The following USP20 variants were observed in gnomAD, a reference collection of about 807,000 sequenced individuals.
USP20 encodes the protein ubiquitin specific peptidase 20.
In USP20, 80 loss-of-function variants were observed where a neutral mutation model predicts 124.2. The ratio of observed to expected loss-of-function variants is 0.64; its 90% CI spans 0.54 to 0.78. The LOEUF (loss-of-function observed/expected upper bound fraction) is 0.78. Ranked by LOEUF, USP20 falls within the 30% of genes least tolerant of loss-of-function variation. The pLI is 0.00. For missense variants in USP20, 1,043 were observed against 1,244.4 expected (o/e 0.84, Z 2.44); for synonymous variants, 481 against 512.3 (o/e 0.94, Z 0.83).
Position 129,856,321 on chromosome 9 carries a change from G to A in USP20, c.96G>A (p.Ser32=), listed in dbSNP as rs769387563. ...LLLKSKGTCQ[S]CGVTGPNLWA... ...AACTCACACAGGGAACCTGTCAGTC[G>A]TGTGGGGTCACCGGACCAAACCTAT... The change falls in exon 4 of 26, where the codon TCG becomes TCA. Residue 32 remains serine (S), a synonymous_variant. Transcript: ENST00000372429. 3.6e-5 allele frequency: 58 copies of A among 1,614,038 alleles called. No homozygotes were observed. Among genetic ancestry groups the A allele is most frequent in the Middle Eastern group, 3.3e-4 (2 of 6,084 alleles).
At position 129,876,807 on chromosome 9, in the gene USP20, C is replaced by T. The variant is rs555140356; in HGVS notation, c.2409+569C>T. Among the ~76,000 whole-genome samples, 4 of 152,208 alleles carry T rather than the reference C, an allele frequency of 2.6e-5. No homozygotes were observed. In the South Asian group the frequency reaches 8.3e-4, roughly 32 times the overall value. ...ACCAGTAGATGGATCCCATTCTCAGCCTTGGCTGTGTTATTTTGGGCTGAA... is the reference window on the plus strand; with the variant it reads ...ACCAGTAGATGGATCCCATTCTCAGTCTTGGCTGTGTTATTTTGGGCTGAA... On this transcript the variant is annotated intron_variant, in intron 22 of 25. Transcript: ENST00000372429.
rs1203279891 is a variant in USP20 at position 129,861,116 on chromosome 9, C to T, written c.427+83C>T. On this transcript the variant is annotated intron_variant, in intron 7 of 25. Coordinates refer to ENST00000372429, the MANE Select transcript of USP20 (RefSeq NM_001110303.4). ...GGCTGGAAACCGCCAGAGTCTTGGT[C>T]TCTATTTGCACCTGCTATATGGGCA... 8.5e-6 allele frequency: 11 copies of T among 1,296,062 alleles called. No homozygotes were observed. In the Admixed American group the frequency reaches 1.9e-4, roughly 23 times the overall value. The allele number at this position is 1,296,062 out of a possible 1,614,324, so 80.3% of individuals were successfully genotyped here. A position where few individuals can be genotyped will look rare whatever the true frequency, so the allele number is the denominator to read the frequency against.
intron 1 of USP20, among the ~76,000 whole-genome samples, chr9:129,844,680 CA>C (rs1345912035): frequency 2.0e-5 from 3 of 147,274 alleles, no homozygotes; most frequent in Non-Finnish European, 4.5e-5. Context: ...TAAGACTTAC[CA>C]AAACCAAAAA....
chr9:129,876,467 C>A (rs755781908), intron 22 of USP20, among the ~76,000 whole-genome samples: 6 of 151,988 alleles, frequency 3.9e-5, no homozygotes, highest in Admixed American at 6.6e-5. Context: ...GGCAAAACCC[C>A]GTCTCTACTA....
rs200710655 is a variant in USP20 at position 129,874,903 on chromosome 9, G to A, written c.1996G>A (p.Glu666Lys). ...WYEFDDQYVT[E>K]VHETVVQNAE... is the part of the protein sequence containing the mutation. ...CGAGTTTGATGACCAGTACGTCACA[G>A]AAGTCCACGAGACGGTGGTGCAGAA... Residue 666 changes from glutamate (E) to lysine (K), a missense_variant, in exon 19 of 26, where the codon GAA (glutamate) becomes AAA (lysine). Transcript: ENST00000372429. 89 of 1,614,038 alleles carry A rather than the reference G, an allele frequency of 5.5e-5. No homozygotes were observed. Among genetic ancestry groups the A allele is most frequent in the Non-Finnish European group, 1.1e-5 (13 of 1,180,052 alleles).
chr9:129,874,165 G>A (rs751788122), intron 17 of USP20, among the ~76,000 whole-genome samples: 10 of 152,112 alleles, frequency 6.6e-5, no homozygotes, highest in South Asian at 2.1e-4. Flanking sequence ...TGTCAGCGTC[G>A]TGGATGGAAG....
intron 1 of USP20, among the ~76,000 whole-genome samples, chr9:129,846,947 G>A (rs2032613705): frequency 1.3e-5 from 2 of 152,100 alleles, no homozygotes; most frequent in African/African-American, 4.8e-5. Context: ...TACTGAGTAG[G>A]TGTCTTTAGG....
At chr9:129,858,339 T>A (rs2033327436) in intron 5 of USP20, 128 bp from the exon 6 acceptor site, 1 of 1,420,384 alleles carries the variant, frequency 7.0e-7, no homozygotes, top group East Asian at 2.3e-5. Context: ...GTAAGCAAAA[T>A]TTGAGCTTCC....
chr9:129,878,590 G>A (rs75274825), intron 23 of USP20, 150 bp downstream of exon 23: 10,630 of 688,406 alleles, frequency 0.015, 133 homozygotes, highest in East Asian at 0.024. Flanking sequence ...AGAGCATGGG[G>A]CTTTGCCAGT....
At chr9:129,872,779 G>A (rs923513638) in intron 15 of USP20, among the ~76,000 whole-genome samples, 7 of 152,068 alleles carry the variant, frequency 4.6e-5, no homozygotes, top group African/African-American at 1.4e-4. Flanking sequence ...CAGCTACTCC[G>A]GAGGCTGAGG....
intron 22 of USP20, among the ~76,000 whole-genome samples, chr9:129,877,471 C>T (rs111684018): frequency 0.014 from 2,157 of 152,262 alleles, 39 homozygotes; most frequent in African/African-American, 0.048. Flanking sequence ...TGCAGTGAGC[C>T]GTGATCATGC....
chr9:129,873,785 G>A (rs375533285), intron 17 of USP20, 41 bp downstream of exon 17: 14 of 1,604,700 alleles, frequency 8.7e-6, no homozygotes, highest in Admixed American at 5.0e-5. Flanking sequence ...CAGCTATCTC[G>A]GGATGCACAC....
intron 6 of USP20, among the ~76,000 whole-genome samples, 187 bp downstream of exon 6, chr9:129,858,785 G>A (rs963837903): frequency 6.6e-6 from 1 of 152,208 alleles, no homozygotes; most frequent in Non-Finnish European, 1.5e-5. Flanking sequence ...ACTCTGTGCC[G>A]AGGCATGTGT....
intron 17 of USP20, 74 bp downstream of exon 17, chr9:129,873,818 G>A (rs746553703): frequency 1.3e-6 from 2 of 1,559,262 alleles, no homozygotes; most frequent in Non-Finnish European, 1.7e-6. Flanking sequence ...GGCAGGGGCT[G>A]AGCCTGCTCC....
intron 8 of USP20, among the ~76,000 whole-genome samples, chr9:129,862,541 A>G (rs2033600756): frequency 8.3e-6 from 1 of 120,280 alleles, no homozygotes; most frequent in Non-Finnish European, 1.8e-5. Flanking sequence ...TGACAGAGCG[A>G]GACTCCGTCT....
intron 17 of USP20, among the ~76,000 whole-genome samples, chr9:129,874,363 T>C (rs138714771): frequency 3.2e-4 from 48 of 152,258 alleles, no homozygotes; most frequent in African/African-American, 1.2e-3. Context: ...TGATGGCTCA[T>C]TGCAGCTCTT....
intron 14 of USP20, 140 bp from the exon 15 acceptor site, chr9:129,870,313 G>C: frequency 1.2e-6 from 1 of 836,810 alleles, no homozygotes. Context: ...CCTCTGCCCC[G>C]ACCCGCCGTG....
At chr9:129,846,861 A>G (rs1371928177) in intron 1 of USP20, among the ~76,000 whole-genome samples, 1 of 152,044 alleles carries the variant, frequency 6.6e-6, no homozygotes, top group East Asian at 1.9e-4. Context: ...TCCTGACCTC[A>G]AGTGATCCGC....
intron 8 of USP20, among the ~76,000 whole-genome samples, chr9:129,862,955 G>A (rs201797923): frequency 2.0e-5 from 3 of 150,964 alleles, no homozygotes; most frequent in Admixed American, 1.3e-4. Flanking sequence ...GATAAGATGA[G>A]ATAAAATAAA....
Sources: gnomAD v4.1 joint callset for allele counts (sites outside exome capture counted in the v4.1 genomes callset) on GRCh38, gnomAD v4.1.1 for gene constraint, MANE v1.5 for transcripts, NCBI Gene and HGNC (gene_info 2026-07-23, HGNC 2026-07-21) for gene names.